The following DLGAP2 variants were observed in gnomAD, a reference collection of about 807,000 sequenced individuals.
DLGAP2 encodes disks large-associated protein 2.
Under a neutral mutation model 100.3 loss-of-function variants are expected in DLGAP2, and 26 were observed. The ratio of observed to expected loss-of-function variants is 0.26; its 90% CI spans 0.19 to 0.36. The LOEUF is 0.36. Among genes scored for constraint, DLGAP2 ranks in the 10% least tolerant of loss-of-function variants. The pLI is 1.00. For missense variants in DLGAP2, 1,858 were observed against 1,453.2 expected (o/e 1.28, Z -4.53); for synonymous variants, 886 against 630.1 (o/e 1.41, Z -6.08).
At chr8:996,160 G>T (rs759894838) in intron 2 of DLGAP2, among the ~76,000 whole-genome samples, 4 of 152,166 alleles carry the variant, frequency 2.6e-5, no homozygotes, top group Non-Finnish European at 5.9e-5. Flanking sequence ...CCACTCCAGA[G>T]CTGAGAGAGG....
chr8:1,496,281 C>A (rs149614077), intron 3 of DLGAP2, among the ~76,000 whole-genome samples: 1 of 152,028 alleles, frequency 6.6e-6, no homozygotes, highest in Non-Finnish European at 1.5e-5. Flanking sequence ...ATTGCGGTGT[C>A]GGTGGAAGCA....
At chr8:824,602 G>A (rs1421497856) in intron 1 of DLGAP2, among the ~76,000 whole-genome samples, 6 of 150,654 alleles carry the variant, frequency 4.0e-5, no homozygotes, top group South Asian at 4.3e-4. Context: ...TCCTGGCTCC[G>A]GGAGCTTCCC....
chr8:1,331,217 G>A (rs1459670087), intron 3 of DLGAP2, among the ~76,000 whole-genome samples: 2 of 152,216 alleles, frequency 1.3e-5, no homozygotes, highest in Non-Finnish European at 2.9e-5. Flanking sequence ...TGGCACTGAT[G>A]TGCTAGTTGA....
At chr8:1,321,980 C>G (rs1213613363) in intron 3 of DLGAP2, among the ~76,000 whole-genome samples, 1 of 152,260 alleles carries the variant, frequency 6.6e-6, no homozygotes, top group East Asian at 1.9e-4. Flanking sequence ...AGCTTAAGCC[C>G]TGAAGCGTGC....
chr8:1,393,067 G>C (rs1217704121), intron 3 of DLGAP2, among the ~76,000 whole-genome samples: 5 of 37,654 alleles, frequency 1.3e-4, no homozygotes, highest in African/African-American at 5.7e-4. Flanking sequence ...CCACCTCCTC[G>C]TCCTCCAGAG....
At chr8:803,100 G>C (rs763465031) in intron 1 of DLGAP2, among the ~76,000 whole-genome samples, 1 of 152,144 alleles carries the variant, frequency 6.6e-6, no homozygotes, top group Non-Finnish European at 1.5e-5. Context: ...GCGGCTTCTG[G>C]GCTCCGTGGC....
At chr8:760,099 C>T (rs572433890) in intron 1 of DLGAP2, among the ~76,000 whole-genome samples, 2 of 152,348 alleles carry the variant, frequency 1.3e-5, no homozygotes, top group Non-Finnish European at 2.9e-5. Flanking sequence ...GCAGAGCTGA[C>T]TGCTGCACAC....
intron 6 of DLGAP2, among the ~76,000 whole-genome samples, chr8:1,578,851 C>T (rs896639069): frequency 1.3e-5 from 2 of 152,156 alleles, no homozygotes; most frequent in South Asian, 2.1e-4. Flanking sequence ...CTTGTGTCCC[C>T]GATCGGGAAG....
At chr8:1,227,153 G>GATAGATATATATATATAT (rs796173465) in intron 2 of DLGAP2, among the ~76,000 whole-genome samples, 34 of 89,702 alleles carry the variant, frequency 3.8e-4, no homozygotes, top group East Asian at 1.7e-3. Flanking sequence ...GAAACTGTGA[G>GATAGATATATATATATAT]ATATATATAT....
intron 8 of DLGAP2, among the ~76,000 whole-genome samples, chr8:1,665,576 C>T (rs543357953): frequency 7.3e-4 from 111 of 152,322 alleles, no homozygotes; most frequent in African/African-American, 2.6e-3. Context: ...TATATTCCCG[C>T]GTCTCTCTGT....
At chr8:757,824 G>A (rs1302603678) in intron 1 of DLGAP2, among the ~76,000 whole-genome samples, 3 of 152,204 alleles carry the variant, frequency 2.0e-5, no homozygotes, top group Non-Finnish European at 4.4e-5. Flanking sequence ...TGTAATCAAA[G>A]ACTGAGTCTC....
intron 2 of DLGAP2, among the ~76,000 whole-genome samples, chr8:1,052,386 A>G (rs536885935): frequency 2.2e-4 from 34 of 152,348 alleles, no homozygotes; most frequent in African/African-American, 7.9e-4. Context: ...GGCAGTAAAA[A>G]GGAAATAATT....
chr8:1,700,551 A>G (rs764888646), intron 14 of DLGAP2, among the ~76,000 whole-genome samples: 5 of 152,256 alleles, frequency 3.3e-5, no homozygotes, highest in Admixed American at 2.0e-4. Context: ...CTAAAACGGC[A>G]TACACGTATT....
chr8:1,613,849 A>T (rs551509327), intron 6 of DLGAP2, among the ~76,000 whole-genome samples: 5 of 152,250 alleles, frequency 3.3e-5, no homozygotes, highest in African/African-American at 1.2e-4. Context: ...TGGAAAAATC[A>T]TAGAGAAAGA....
chr8:1,430,024 A>ATATATATATATATATATATATATATATC (rs1237182156), intron 3 of DLGAP2, among the ~76,000 whole-genome samples: 1 of 97,002 alleles, frequency 1.0e-5, no homozygotes, highest in Non-Finnish European at 2.0e-5. Context: ...ATATATATAT[A>ATATATATATATATATATATATATATATC]TATACACACA....
Position 999,338 on chromosome 8 carries a change from C to A in DLGAP2, c.73+91372C>A, listed in dbSNP as rs140644855. 8.6e-3 allele frequency among the ~76,000 whole-genome samples: 1,304 copies of A among 152,036 alleles called. 18 individuals are homozygous for A. Among genetic ancestry groups the A allele is most frequent in the African/African-American group, 0.029 (1,206 of 41,426 alleles). ...CTTTCCATCTCCTGTTACCTCTTCT[C>A]TCACTTTTCTCATCTTCTTTCCCTT... On this transcript the variant is annotated intron_variant, in intron 2 of 14. Coordinates refer to ENST00000637795, the MANE Select transcript of DLGAP2 (RefSeq NM_001346810.2).
At chr8:1,646,807 A>G (rs951750273) in intron 8 of DLGAP2, among the ~76,000 whole-genome samples, 5 of 149,186 alleles carry the variant, frequency 3.4e-5, no homozygotes, top group African/African-American at 1.2e-4. Context: ...AGGGGGCCAG[A>G]GGGCAAACGG....
At chr8:785,298 GC>G (rs1015021419) in intron 1 of DLGAP2, among the ~76,000 whole-genome samples, 4 of 146,054 alleles carry the variant, frequency 2.7e-5, no homozygotes, top group Middle Eastern at 3.7e-3. Flanking sequence ...CCATGCTTGA[GC>G]CAAAGCTCTG....
chr8:1,071,161 T>G (rs1803417998), intron 2 of DLGAP2, among the ~76,000 whole-genome samples: 1 of 152,200 alleles, frequency 6.6e-6, no homozygotes, highest in Non-Finnish European at 1.5e-5. Context: ...GAGCGGAAGC[T>G]GGGGAGGAGA....
Sources: allele counts gnomAD v4.1 joint callset (sites outside exome capture counted in the v4.1 genomes callset), GRCh38; gene constraint gnomAD v4.1.1; transcripts MANE v1.5; gene names NCBI Gene and HGNC (gene_info 2026-07-23, HGNC 2026-07-21).